The following NRG2 variants were observed in gnomAD, a reference collection of about 807,000 sequenced individuals.
NRG2 encodes the protein neuregulin 2.
Under a neutral mutation model 73.9 loss-of-function variants are expected in NRG2, and 27 were observed. The ratio of observed to expected loss-of-function variants is 0.37; its 90% CI spans 0.27 to 0.50. The LOEUF is 0.50. Ranked by LOEUF, NRG2 falls within the 20% of genes least tolerant of loss-of-function variation. The pLI, the probability that NRG2 is intolerant of heterozygous loss-of-function variation, is 0.96. For synonymous variants in NRG2, 532 were observed against 541.0 expected (o/e 0.98, Z 0.23); for missense variants, 1,126 against 1,210.1 (o/e 0.93, Z 1.03).
intron 1 of NRG2, among the ~76,000 whole-genome samples, chr5:139,893,012 G>T (rs1383079160): frequency 6.6e-6 from 1 of 152,088 alleles, no homozygotes. Context: ...TTCTGTTGTT[G>T]TTTTGTTACA....
rs1761057201 is a variant in NRG2 at position 139,847,306 on chromosome 5, A to C, written c.*611T>G. On this transcript the variant is annotated 3_prime_UTR_variant, in exon 10 of 10. Coordinates refer to ENST00000361474, the MANE Select transcript of NRG2 (RefSeq NM_004883.3). The stretch of plus-strand genomic sequence containing the variant: ...CCCCCCTCCTTTAACAGCTGTGAGT[A>C]GCCAGGGCTTCCCCATTCGGGTAGC... 2 of 151,110 alleles carry C rather than the reference A, an allele frequency of 1.3e-5. No homozygotes were observed. The highest frequency in any genetic ancestry group is 4.2e-4 in the South Asian group (2 of 4,748). 9.4% of individuals were successfully genotyped at this position (151,110 alleles called of 1,614,324 possible). A position where few individuals can be genotyped will look rare whatever the true frequency, so the allele number is the denominator to read the frequency against.
rs1162736977 is a variant in NRG2, at chr5:139,870,322, G to T, written c.1112+1399C>A. Among the ~76,000 whole-genome samples the T allele has an allele frequency of 6.6e-6, 1 of 152,136 alleles. No individual in the cohort carries two copies. The highest frequency in any genetic ancestry group is 2.4e-5 in the African/African-American group (1 of 41,426). ...GTTGCTACTGGGACTCTCCTCTAAG[G>T]TTCAGGGAGGGGGAGAAGGAGGTGG... is the stretch of plus-strand genomic sequence containing the variant. On this transcript the variant is annotated intron_variant, in intron 4 of 9. Coordinates refer to ENST00000361474, the MANE Select transcript of NRG2 (RefSeq NM_004883.3). The surrounding 1 kb of genome is among the most constrained non-coding windows in gnomAD (Gnocchi z 4.4).
chr5:139,962,360 A>T (rs1476865473), intron 1 of NRG2, among the ~76,000 whole-genome samples: 1 of 152,372 alleles, frequency 6.6e-6, no homozygotes, highest in East Asian at 1.9e-4. Context: ...AAGGGTGATC[A>T]GAGCCAGCTT....
intron 1 of NRG2, among the ~76,000 whole-genome samples, chr5:140,034,404 T>A (rs1761362219): frequency 6.6e-6 from 1 of 152,162 alleles, no homozygotes; most frequent in African/African-American, 2.4e-5. Context: ...CATGAAAGTC[T>A]GAATGTTTTT....
chr5:139,974,760 G>A (rs916365433), intron 1 of NRG2, among the ~76,000 whole-genome samples: 2 of 152,136 alleles, frequency 1.3e-5, no homozygotes, highest in Admixed American at 1.3e-4. Context: ...GGGACCAACT[G>A]TTCTCAGCAC....
chr5:139,941,784 G>A (rs1409699667), intron 1 of NRG2, among the ~76,000 whole-genome samples: 1 of 152,154 alleles, frequency 6.6e-6, no homozygotes, highest in Non-Finnish European at 1.5e-5. Flanking sequence ...TGGAACTATA[G>A]TTTGAGCTCA....
At chr5:139,883,509 G>C (rs946621533) in intron 2 of NRG2, among the ~76,000 whole-genome samples, 3 of 152,186 alleles carry the variant, frequency 2.0e-5, no homozygotes, top group African/African-American at 7.2e-5. Context: ...ACCCTCTGAG[G>C]AGGGGTCTCT....
At chr5:139,998,641 G>A (rs1173889642) in intron 1 of NRG2, among the ~76,000 whole-genome samples, 1 of 152,180 alleles carries the variant, frequency 6.6e-6, no homozygotes, top group Non-Finnish European at 1.5e-5. Context: ...CAAAAGTAGA[G>A]AATCTCAATG....
intron 1 of NRG2, among the ~76,000 whole-genome samples, chr5:140,033,990 G>A (rs1316964530): frequency 2.7e-5 from 4 of 148,630 alleles, no homozygotes; most frequent in Non-Finnish European, 1.5e-5. Flanking sequence ...ATGGAGTCTC[G>A]CTCTATCACC....
intron 9 of NRG2, among the ~76,000 whole-genome samples, chr5:139,850,692 G>A (rs921855481): frequency 6.6e-6 from 1 of 152,246 alleles, no homozygotes; most frequent in Non-Finnish European, 1.5e-5. Context: ...TGGCAGGGGT[G>A]CTGGCCCTTG....
chr5:139,853,012 C>T lies in NRG2; in HGVS notation c.1308G>A (p.Gln436=). ...TGTTCTGCCGGAGGTGGTTGTGCAT[C>T]TGCTTCCGCTGTTTTCTGCACAAGG... is the stretch of plus-strand genomic sequence containing the variant. The part of the protein sequence containing the change: ...AYCKTKKQRK[Q]MHNHLRQNMC... The change falls in exon 7 of 10, where the codon CAG becomes CAA. Residue 436 remains glutamine, a synonymous_variant. Transcript: ENST00000361474. This position sits in a 1 kb window ranked among gnomAD's most constrained non-coding sequence, Gnocchi z 4.1. The T allele has an allele frequency of 6.2e-7, 1 of 1,613,564 alleles. No homozygotes were observed. Among genetic ancestry groups the T allele is most frequent in the Non-Finnish European group, 8.5e-7 (1 of 1,179,806 alleles).
chr5:139,995,260 G>A (rs1390254106), intron 1 of NRG2, among the ~76,000 whole-genome samples: 5 of 152,096 alleles, frequency 3.3e-5, no homozygotes, highest in Admixed American at 1.3e-4. Flanking sequence ...CATCACTAAC[G>A]CAAGAAGATG....
chr5:139,953,030 A>C (rs773012720), intron 1 of NRG2, among the ~76,000 whole-genome samples: 14 of 152,216 alleles, frequency 9.2e-5, no homozygotes, highest in Non-Finnish European at 2.1e-4. Context: ...TGCCATAAAA[A>C]AGAGGCCTCA....
chr5:139,912,032 C>T (rs1218783915), intron 1 of NRG2, among the ~76,000 whole-genome samples: 4 of 152,240 alleles, frequency 2.6e-5, no homozygotes, highest in South Asian at 4.2e-4. Flanking sequence ...AGTTGTCCCC[C>T]GCTGTGGCTC....
chr5:139,942,987 C>T (rs1018102986), intron 1 of NRG2, among the ~76,000 whole-genome samples: 1 of 152,168 alleles, frequency 6.6e-6, no homozygotes, highest in East Asian at 1.9e-4. Context: ...ACTACAGTTG[C>T]ATGTCACCAC....
chr5:139,860,063 G>A (rs1762054893), intron 5 of NRG2, among the ~76,000 whole-genome samples: 1 of 152,092 alleles, frequency 6.6e-6, no homozygotes, highest in Non-Finnish European at 1.5e-5. Context: ...CAGGTTAGTA[G>A]TGTCCCCTCC....
chr5:139,856,734 C>A lies in NRG2; in HGVS notation c.1190-956G>T. On this transcript the variant is annotated intron_variant, in intron 5 of 9. Transcript: ENST00000361474. This position sits in a 1 kb window ranked among gnomAD's most constrained non-coding sequence, Gnocchi z 4.2. ...CACCCAGGGCTACAAACCCTCCAGACACACAGAGATTTCTAACTATGCCTA... is the reference window on the plus strand; with the variant it reads ...CACCCAGGGCTACAAACCCTCCAGAAACACAGAGATTTCTAACTATGCCTA... Among the ~76,000 whole-genome samples, 1 of 152,222 alleles carries A rather than the reference C, an allele frequency of 6.6e-6. No homozygotes were observed. The highest frequency in any genetic ancestry group is 1.9e-4 in the East Asian group (1 of 5,198).
At chr5:139,913,695 C>A (rs1018333748) in intron 1 of NRG2, among the ~76,000 whole-genome samples, 3 of 152,214 alleles carry the variant, frequency 2.0e-5, no homozygotes, top group Admixed American at 6.5e-5. Flanking sequence ...CTGGCCATTG[C>A]AGTATACAAA....
chr5:139,971,710 G>A (rs1015680200), intron 1 of NRG2, among the ~76,000 whole-genome samples: 13 of 152,188 alleles, frequency 8.5e-5, no homozygotes, highest in African/African-American at 3.1e-4. Context: ...ACTAAAGTTA[G>A]TAAGAAACGT....
Sources: allele counts gnomAD v4.1 joint callset (sites outside exome capture counted in the v4.1 genomes callset), GRCh38; gene constraint gnomAD v4.1.1; non-coding constraint Gnocchi (gnomAD v3.1); transcripts MANE v1.5; gene names NCBI Gene and HGNC (gene_info 2026-07-23, HGNC 2026-07-21).